Variants in KIF26B observed in about 807,000 individuals in gnomAD.
KIF26B encodes kinesin family member 26B.
KIF26B carries 63 observed loss-of-function variants against 151.2 expected under a neutral mutation model. The ratio of observed to expected loss-of-function variants is 0.42; its 90% CI spans 0.34 to 0.51. The LOEUF (loss-of-function observed/expected upper bound fraction) is 0.51. Among genes scored for constraint, KIF26B ranks in the 20% least tolerant of loss-of-function variants. The pLI is 0.07. For missense variants in KIF26B, 2,813 were observed against 2,913.6 expected (o/e 0.97, Z 0.79); for synonymous variants, 1,357 against 1,262.1 (o/e 1.08, Z -1.59).
intron 4 of KIF26B, among the ~76,000 whole-genome samples, chr1:245,522,850 C>T (rs890927396): frequency 3.3e-5 from 5 of 152,146 alleles, no homozygotes; most frequent in Non-Finnish European, 7.3e-5. Flanking sequence ...GCAAAGGCAT[C>T]CCTTTCACCT....
intron 3 of KIF26B, among the ~76,000 whole-genome samples, chr1:245,379,499 A>C (rs116470423): frequency 0.011 from 1,639 of 147,798 alleles, 29 homozygotes; most frequent in African/African-American, 0.039. Flanking sequence ...TTGGTTTGTG[A>C]TTCTTACCGA....
intron 2 of KIF26B, among the ~76,000 whole-genome samples, chr1:245,176,102 C>T (rs373553126): frequency 1.3e-5 from 2 of 151,938 alleles, no homozygotes; most frequent in Admixed American, 6.6e-5. Flanking sequence ...CGGGTTCAAG[C>T]GATTCTCCTG....
At chr1:245,184,305 A>G (rs1443080252) in intron 2 of KIF26B, among the ~76,000 whole-genome samples, 2 of 151,924 alleles carry the variant, frequency 1.3e-5, no homozygotes, top group African/African-American at 2.4e-5. Flanking sequence ...ACTTTGTAAC[A>G]TGAGCTCCAG....
At position 245,706,767 on chromosome 1, in the gene KIF26B, G is replaced by A. The variant is rs2044846413; in HGVS notation, c.*4161G>A. 6.6e-6 allele frequency: 1 copy of A among 152,144 alleles called. No individual in the cohort carries two copies. The highest frequency in any genetic ancestry group is 2.4e-5 in the African/African-American group (1 of 41,424). The allele number at this position is 152,144 out of a possible 1,614,324, so 9.4% of individuals were successfully genotyped here. ...TGTGGCCCAGCTGTCCCCCCATGAAGGACACTCTTCAATGCCACCACACGG... is the reference window on the plus strand; with the variant it reads ...TGTGGCCCAGCTGTCCCCCCATGAAAGACACTCTTCAATGCCACCACACGG... On this transcript the variant is annotated 3_prime_UTR_variant, in exon 15 of 15. Coordinates refer to ENST00000407071, the MANE Select transcript of KIF26B (RefSeq NM_018012.4).
At chr1:245,539,944 T>C (rs535118990) in intron 4 of KIF26B, among the ~76,000 whole-genome samples, 166 of 152,282 alleles carry the variant, frequency 1.1e-3, no homozygotes, top group Middle Eastern at 3.4e-3. Flanking sequence ...TGAGCCACCG[T>C]GCCTGGCCAA....
chr1:245,489,093 G>A (rs574925281), intron 4 of KIF26B, among the ~76,000 whole-genome samples: 1 of 152,184 alleles, frequency 6.6e-6, no homozygotes, highest in Non-Finnish European at 1.5e-5. Flanking sequence ...CGGATAGTCT[G>A]GCGGCACGTC....
Position 245,444,137 on chromosome 1 carries a change from G to T in KIF26B, c.1166+24392G>T, listed in dbSNP as rs1332859887. ...ACCTAGAGCGGTCATCTCCCTTACT[G>T]TTCACCTAGAGCGGTCATCTCCCTC... On this transcript the variant is annotated intron_variant, in intron 4 of 14. Transcript: ENST00000407071. Among the ~76,000 whole-genome samples, 6 of 138,696 alleles carry T rather than the reference G, an allele frequency of 4.3e-5. No homozygotes were observed. In the South Asian group the frequency reaches 1.3e-3, roughly 29 times the overall value. 91.0% of individuals were successfully genotyped at this position (138,696 alleles called of 152,430 possible). A position where few individuals can be genotyped will look rare whatever the true frequency, so the allele number is the denominator to read the frequency against.
At chr1:245,511,454 G>T (rs980769711) in intron 4 of KIF26B, among the ~76,000 whole-genome samples, 12 of 152,304 alleles carry the variant, frequency 7.9e-5, no homozygotes, top group Admixed American at 2.0e-4. Context: ...ATTCAGAGTT[G>T]CTAAAATATT....
chr1:245,468,931 C>G (rs1379249113), intron 4 of KIF26B, among the ~76,000 whole-genome samples: 1 of 152,110 alleles, frequency 6.6e-6, no homozygotes, highest in African/African-American at 2.4e-5. Flanking sequence ...TTTTTAAATG[C>G]AAATATATAT....
At chr1:245,354,823 T>C (rs1363988038) in intron 2 of KIF26B, among the ~76,000 whole-genome samples, 2 of 152,212 alleles carry the variant, frequency 1.3e-5, no homozygotes, top group Non-Finnish European at 2.9e-5. Context: ...TCATCTCCAG[T>C]GAGAGCAGGT....
rs964074336 is a variant in KIF26B, at chr1:245,705,366, TGTG to T, written c.*2761_*2763del. 2.0e-5 allele frequency: 3 copies of T among 152,170 alleles called. No individual in the cohort carries two copies. Among genetic ancestry groups the T allele is most frequent in the Non-Finnish European group, 4.4e-5 (3 of 68,032 alleles). 9.4% of individuals were successfully genotyped at this position (152,170 alleles called of 1,614,324 possible). On this transcript the variant is annotated 3_prime_UTR_variant, in exon 15 of 15. Transcript: ENST00000407071. The stretch of plus-strand genomic sequence containing the variant: ...AGAAATCAGGCATTTTACGTTATGA[TGTG>T]CTTGTTCCTGTCTCTGCCTATAAAT...
intron 2 of KIF26B, among the ~76,000 whole-genome samples, chr1:245,184,943 A>T (rs1442358267): frequency 6.6e-6 from 1 of 152,202 alleles, no homozygotes; most frequent in Non-Finnish European, 1.5e-5. Context: ...GCACTTAATT[A>T]GACATTTCTG....
chr1:245,514,489 C>T (rs1171974969), intron 4 of KIF26B, among the ~76,000 whole-genome samples: 1 of 152,094 alleles, frequency 6.6e-6, no homozygotes, highest in Non-Finnish European at 1.5e-5. Context: ...AGATCCTCCA[C>T]TGCATTCCAG....
intron 4 of KIF26B, among the ~76,000 whole-genome samples, chr1:245,476,460 A>G (rs1660040613): frequency 1.3e-5 from 2 of 151,742 alleles, no homozygotes; most frequent in Admixed American, 1.3e-4. Flanking sequence ...GCAAATTTAT[A>G]TTGTTTTTGG....
intron 11 of KIF26B, among the ~76,000 whole-genome samples, chr1:245,684,690 G>A (rs2044486600): frequency 1.3e-5 from 2 of 152,180 alleles, no homozygotes; most frequent in African/African-American, 4.8e-5. Flanking sequence ...ACCTCAAGAG[G>A]AAAAACGTTG....
intron 3 of KIF26B, among the ~76,000 whole-genome samples, chr1:245,411,978 G>A (rs1674298077): frequency 6.6e-6 from 1 of 152,052 alleles, no homozygotes; most frequent in Non-Finnish European, 1.5e-5. Context: ...CTTTGATCCG[G>A]GCGTGCATTG....
At chr1:245,330,719 TGGG>T (rs1672088520) in intron 2 of KIF26B, among the ~76,000 whole-genome samples, 1 of 56,066 alleles carries the variant, frequency 1.8e-5, no homozygotes, top group Admixed American at 2.1e-4. Context: ...AGGGGGGTAA[TGGG>T]GGAAGAGCCG....
intron 4 of KIF26B, among the ~76,000 whole-genome samples, chr1:245,439,721 A>T (rs1421826550): frequency 6.6e-6 from 1 of 152,230 alleles, no homozygotes; most frequent in African/African-American, 2.4e-5. Context: ...AATTATTCTT[A>T]TGAGATGATA....
intron 14 of KIF26B, 91 bp downstream of exon 14, chr1:245,699,128 C>A: frequency 7.4e-7 from 1 of 1,353,228 alleles, no homozygotes. Context: ...GTGACACAGG[C>A]TGTGTCCTCG....
Sources: gnomAD v4.1 joint callset for allele counts (sites outside exome capture counted in the v4.1 genomes callset) on GRCh38, gnomAD v4.1.1 for gene constraint, MANE v1.5 for transcripts, NCBI Gene and HGNC (gene_info 2026-07-23, HGNC 2026-07-21) for gene names.